The following TUB variants were observed in gnomAD, a reference collection of about 807,000 sequenced individuals.
TUB encodes the protein TUB bipartite transcription factor.
Under a neutral mutation model 59.7 loss-of-function variants are expected in TUB, and 33 were observed. The ratio of observed to expected loss-of-function variants is 0.55; its 90% CI spans 0.42 to 0.74. The LOEUF (loss-of-function observed/expected upper bound fraction) is 0.74. TUB is among the 30% of genes least tolerant of loss of function. TUB has a pLI of 0.00. For missense variants in TUB, 659 were observed against 672.0 expected (o/e 0.98, Z 0.21); for synonymous variants, 293 against 256.4 (o/e 1.14, Z -1.36).
At chr11:8,037,195 C>G (rs1055031425), upstream of TUB, among the ~76,000 whole-genome samples, 2 of 152,218 alleles carry the variant, frequency 1.3e-5, no homozygotes, top group Non-Finnish European at 2.9e-5. Context: ...GCCCCTTGCA[C>G]TGACTCCCTT....
At position 8,101,855 on chromosome 11, in the gene TUB, T is replaced by G; in HGVS notation, c.*236T>G. 6.3e-6 allele frequency: 3 copies of G among 475,812 alleles called. No homozygotes were observed. Among genetic ancestry groups the G allele is most frequent in the South Asian group, 3.6e-5 (1 of 28,092 alleles). The allele number at this position is 475,812 out of a possible 1,614,324, so 29.5% of individuals were successfully genotyped here. ...GAAGGGATGAGAATAATTCTTTCCA[T>G]GCCACGAGATCAACACACACTCCCA... On this transcript the variant is annotated 3_prime_UTR_variant, in exon 12 of 12. Coordinates refer to ENST00000299506, the MANE Select transcript of TUB (RefSeq NM_177972.3).
chr11:8,059,634 C>T (rs1220840513), intron 2 of TUB, among the ~76,000 whole-genome samples: 1 of 151,848 alleles, frequency 6.6e-6, no homozygotes, highest in Non-Finnish European at 1.5e-5. Context: ...GGGAGATCTG[C>T]CGGGAGTTTA....
At chr11:8,086,092 G>T (rs922136254) in intron 1 of TUB, among the ~76,000 whole-genome samples, 2 of 152,200 alleles carry the variant, frequency 1.3e-5, no homozygotes, top group Admixed American at 1.3e-4. Context: ...GGAGGTGCCC[G>T]TGATGTAGGA....
chr11:8,050,102 G>T (rs1436323799), intron 2 of TUB, among the ~76,000 whole-genome samples: 1 of 152,116 alleles, frequency 6.6e-6, no homozygotes, highest in African/African-American at 2.4e-5. Context: ...ACTCTTTGAG[G>T]CTGGTTTATT....
At chr11:8,038,589 G>T, upstream of TUB, 1 of 1,138,858 alleles carries the variant, frequency 8.8e-7, no homozygotes, top group Non-Finnish European at 1.1e-6. Context: ...TGTTGCCATG[G>T]AAACCAGCAA....
chr11:8,039,132 C>A, intron 1 of TUB: 1 of 1,397,488 alleles, frequency 7.2e-7, no homozygotes, highest in Non-Finnish European at 9.6e-7. Flanking sequence ...CAAGGCCTCC[C>A]CTTCCTGATG....
rs1942880798 is a variant in TUB, at chr11:8,048,839, TTAAA to T, written c.203+9150_203+9153del. ...TAATGTTATGTAATTATATGTAAGATTAAATATATGCAATTAAGTATAATATTAC... is the reference window on the plus strand; with the variant it reads ...TAATGTTATGTAATTATATGTAAGATTATATGCAATTAAGTATAATATTAC... On this transcript the variant is annotated intron_variant, in intron 2 of 12. Coordinates refer to the TUB transcript ENST00000305253. Among the ~76,000 whole-genome samples the T allele has an allele frequency of 2.0e-5, 3 of 152,334 alleles. 1 individual carries two copies. Among genetic ancestry groups the T allele is most frequent in the African/African-American group, 2.4e-5 (1 of 41,570 alleles).
At position 8,026,921 on chromosome 11, in the gene TUB, G is replaced by T. The variant is rs971146971; in HGVS notation, c.56+7563G>T. On this transcript the variant is annotated intron_variant, in intron 1 of 11. Coordinates refer to the TUB transcript ENST00000534099. ...ATCTATATATTTATATCTGTTGAGG[G>T]GATAGATCATCTTAATTTCTCTCAG... Among the ~76,000 whole-genome samples the T allele has an allele frequency of 5.5e-4, 84 of 152,134 alleles. 1 individual carries two copies. Among genetic ancestry groups the T allele is most frequent in the African/African-American group, 2.0e-3 (82 of 41,488 alleles).
chr11:8,019,768 GCCCGCCGGCGTCTGCGC>G (rs1401286782), intron 1 of TUB, among the ~76,000 whole-genome samples: 2 of 151,712 alleles, frequency 1.3e-5, no homozygotes, highest in African/African-American at 2.4e-5. Flanking sequence ...TCTGGGATGC[GCCCGCCGGCGTCTGCGC>G]CCCGCCGGCC....
At chr11:8,033,288 G>T (rs1411602366) in intron 1 of TUB, among the ~76,000 whole-genome samples, 1 of 152,186 alleles carries the variant, frequency 6.6e-6, no homozygotes, top group East Asian at 1.9e-4. Context: ...TGGACTCCGG[G>T]AGACTCCGGG....
chr11:8,033,564 A>ACTGCCTGCAGTGTAATTAC (rs1942605663), intron 1 of TUB, among the ~76,000 whole-genome samples: 1 of 152,158 alleles, frequency 6.6e-6, no homozygotes, highest in Admixed American at 6.5e-5. Context: ...GCCCTCAGGA[A>ACTGCCTGCAGTGTAATTAC]CTGCCTGCAG....
upstream of TUB, among the ~76,000 whole-genome samples, chr11:8,034,548 A>G (rs1232733349): frequency 1.3e-5 from 2 of 152,304 alleles, no homozygotes; most frequent in East Asian, 3.9e-4. Context: ...TAAGACTGGC[A>G]TCGCTCACCA....
Position 8,096,605 on chromosome 11 carries a change from A to C in TUB, c.566-80A>C, listed in dbSNP as rs973841165. The C allele has an allele frequency of 6.4e-6, 6 of 943,030 alleles. No homozygotes were observed. In the African/African-American group the frequency reaches 6.4e-5, roughly 10 times the overall value. The allele number at this position is 943,030 out of a possible 1,614,324, so 58.4% of individuals were successfully genotyped here. On this transcript the variant is annotated intron_variant, in intron 5 of 11. Coordinates refer to ENST00000299506, the MANE Select transcript of TUB (RefSeq NM_177972.3). ...GGTACAGGTGAGTCAGTGTCTGAAC[A>C]TGAGTATGTGACCATGTGTATTTCA...
chr11:8,084,475 A>G (rs1223104779), intron 1 of TUB, among the ~76,000 whole-genome samples: 2 of 152,172 alleles, frequency 1.3e-5, no homozygotes, highest in South Asian at 2.1e-4. Context: ...ACAGCCTTTT[A>G]TAAGTTGTAA....
intron 1 of TUB, among the ~76,000 whole-genome samples, chr11:8,086,482 C>T (rs1433428897): frequency 3.3e-5 from 5 of 152,126 alleles, no homozygotes; most frequent in African/African-American, 1.2e-4. Context: ...TCCACAACAG[C>T]TGCTGTTGGC....
chr11:8,100,940 C>G lies in TUB; in HGVS notation c.1330C>G (p.His444Asp). ...CACACAGTCCTATGTACTCAACTTCCATGGGCGCGTCACACAGGCCTCCGT... is the reference window on the plus strand; with the variant it reads ...CACACAGTCCTATGTACTCAACTTCGATGGGCGCGTCACACAGGCCTCCGT... ...DDTQSYVLNF[H>D]GRVTQASVKN... Residue 444 changes from histidine to aspartate, a missense_variant, in exon 11 of 12, where the codon CAT becomes GAT. His to Asp is a moderately conservative substitution (Grantham distance 81). Coordinates refer to ENST00000299506, the MANE Select transcript of TUB (RefSeq NM_177972.3). 1 of 1,614,170 alleles carries G rather than the reference C, an allele frequency of 6.2e-7. No individual in the cohort carries two copies. The highest frequency in any genetic ancestry group is 8.5e-7 in the Non-Finnish European group (1 of 1,180,020).
At position 8,081,391 on chromosome 11, in the gene TUB, C is replaced by T; in HGVS notation, c.-120C>T. On this transcript the variant is annotated 5_prime_UTR_variant, in exon 1 of 12. Coordinates refer to ENST00000299506, the MANE Select transcript of TUB (RefSeq NM_177972.3). ...GTGCAGCGCGGGCCTCGGCGGGGCC[C>T]AGCGCCCCGGCCCGGGAGGATGCGG... 9.9e-7 allele frequency: 1 copy of T among 1,006,278 alleles called. No individual in the cohort carries two copies. The highest frequency in any genetic ancestry group is 1.2e-6 in the Non-Finnish European group (1 of 844,722). The allele number at this position is 1,006,278 out of a possible 1,614,324, so 62.3% of individuals were successfully genotyped here.
intron 1 of TUB, chr11:8,019,461 C>G: frequency 8.5e-7 from 1 of 1,173,752 alleles, no homozygotes; most frequent in Non-Finnish European, 1.1e-6. Context: ...AGCGCCCGAC[C>G]CCCAGGGTGG....
chr11:8,098,760 C>T lies in TUB; in HGVS notation c.1001C>T (p.Ser334Phe). The T allele has an allele frequency of 6.2e-7, 1 of 1,612,222 alleles. No individual in the cohort carries two copies. The highest frequency in any genetic ancestry group is 8.5e-7 in the Non-Finnish European group (1 of 1,178,430). The change falls in exon 9 of 12, where the codon TCC becomes TTC. Residue 334 changes from serine (S) to phenylalanine (F), a missense_variant and splice_region_variant. Transcript: ENST00000299506. Reference protein sequence around the residue: ...GGDSYIGKLRSNLMGTKFTVY... With the variant: ...GGDSYIGKLRFNLMGTKFTVY... ...TACTGATTGTGCCTTTATTTCAGGT[C>T]CAACTTGATGGGCACCAAGTTCACT... is the stretch of plus-strand genomic sequence containing the variant.
Sources: allele counts gnomAD v4.1 joint callset (sites outside exome capture counted in the v4.1 genomes callset), GRCh38; gene constraint gnomAD v4.1.1; transcripts MANE v1.5; gene names NCBI Gene and HGNC (gene_info 2026-07-23, HGNC 2026-07-21).